The following POU6F2 variants were observed in gnomAD, a reference collection of about 807,000 sequenced individuals.
The protein encoded by POU6F2 is POU class 6 homeobox 2.
POU6F2 carries 31 observed loss-of-function variants against 71.3 expected under a neutral mutation model. The ratio of observed to expected loss-of-function variants is 0.43; its 90% CI spans 0.33 to 0.59. The LOEUF (loss-of-function observed/expected upper bound fraction) is 0.59. Ranked by LOEUF, POU6F2 falls within the 20% of genes least tolerant of loss-of-function variation. POU6F2 has a pLI of 0.04. For synonymous variants in POU6F2, 347 were observed against 355.7 expected, an observed-to-expected ratio of 0.98 and a Z score of 0.27; for missense variants, 783 against 856.8, an observed-to-expected ratio of 0.91 and a Z score of 1.07.
intron 7 of POU6F2, among the ~76,000 whole-genome samples, chr7:39,450,933 C>T (rs778545060): frequency 6.6e-5 from 10 of 152,146 alleles, no homozygotes; most frequent in Admixed American, 6.5e-5. Flanking sequence ...AGAAATCCTA[C>T]GGGATATTTT....
chr7:39,403,076 C>T (rs920466360), intron 5 of POU6F2, among the ~76,000 whole-genome samples: 2 of 152,174 alleles, frequency 1.3e-5, no homozygotes, highest in Non-Finnish European at 1.5e-5. Flanking sequence ...GTGTGGTTTA[C>T]TTAAAGTCAC....
chr7:38,994,251 G>T (rs1447215986), intron 1 of POU6F2, among the ~76,000 whole-genome samples: 3 of 152,068 alleles, frequency 2.0e-5, no homozygotes, highest in Non-Finnish European at 4.4e-5. Context: ...CAGTTGGTCA[G>T]GAAAGCCAGG....
chr7:39,238,492 T>C lies in POU6F2; in HGVS notation c.598+30872T>C, dbSNP rs368577775. On this transcript the variant is annotated intron_variant, in intron 4 of 9. Transcript: ENST00000518318. ...CATTTGTTTACGTATTGTTTGCGGC[T>C]GCTTTTGTGCTACAATGGCAGAGTT... 2.6e-5 allele frequency among the ~76,000 whole-genome samples: 4 copies of C among 152,348 alleles called. No homozygotes were observed. In the East Asian group the frequency reaches 7.7e-4, roughly 29 times the overall value.
chr7:39,100,941 A>G (rs1240662289), intron 2 of POU6F2, among the ~76,000 whole-genome samples: 1 of 152,162 alleles, frequency 6.6e-6, no homozygotes. Flanking sequence ...TCTTCATTCT[A>G]TGGCATGAAT....
At chr7:39,187,504 G>A (rs1203785599) in intron 2 of POU6F2, among the ~76,000 whole-genome samples, 3 of 152,224 alleles carry the variant, frequency 2.0e-5, no homozygotes, top group African/African-American at 7.2e-5. Context: ...ACAGGACAGA[G>A]CAGAGGCATG....
At chr7:39,077,415 C>A (rs937752193) in intron 1 of POU6F2, among the ~76,000 whole-genome samples, 3 of 152,190 alleles carry the variant, frequency 2.0e-5, no homozygotes, top group African/African-American at 7.2e-5. Flanking sequence ...AAACTCCTGT[C>A]TGATTGATTG....
rs368867298 is a variant in POU6F2, at chr7:39,408,456, C to CT, written c.1113+1723dup. Among the ~76,000 whole-genome samples the CT allele has an allele frequency of 2.9e-3, 437 of 152,304 alleles. 1 individual carries two copies. Among genetic ancestry groups the CT allele is most frequent in the Middle Eastern group, 0.014 (4 of 294 alleles). ...TCAGGAGCTAGAGTTACTACACTTG[C>CT]TTTTTTTGGCCTTTGCCAAACCCCA... is the stretch of plus-strand genomic sequence containing the variant. On this transcript the variant is annotated intron_variant, in intron 6 of 9. Coordinates refer to ENST00000518318, the MANE Select transcript of POU6F2 (RefSeq NM_001370959.1).
chr7:39,207,552 A>G lies in POU6F2; in HGVS notation c.530A>G (p.Asn177Ser), dbSNP rs1402974410. The G allele has an allele frequency of 2.5e-6, 4 of 1,614,030 alleles. No individual in the cohort carries two copies. The highest frequency in any genetic ancestry group is 3.4e-6 in the Non-Finnish European group (4 of 1,179,880). The change falls in exon 4 of 10, where the codon AAC (asparagine) becomes AGC (serine). Residue 177 changes from asparagine (N) to serine (S), a missense_variant. By Grantham distance (46) the Asn-to-Ser change is conservative (BLOSUM62 1). This residue lies in a region of POU6F2 where 572 missense variants were observed against 572.9 expected (regional missense o/e 1.00). Coordinates refer to ENST00000518318, the MANE Select transcript of POU6F2 (RefSeq NM_001370959.1). Reference protein sequence around the residue: ...VLTLPTANLTNIQGLVAAAAA... With the variant: ...VLTLPTANLTSIQGLVAAAAA... ...ACACTGCCAACAGCGAATCTCACCA[A>G]CATCCAAGGGCTGGTGGCAGCAGCT...
At chr7:39,208,907 G>A (rs896408587) in intron 4 of POU6F2, among the ~76,000 whole-genome samples, 1 of 152,084 alleles carries the variant, frequency 6.6e-6, no homozygotes, top group Non-Finnish European at 1.5e-5. Flanking sequence ...TCTTAATGAA[G>A]AAATGGGCAT....
intron 2 of POU6F2, among the ~76,000 whole-genome samples, chr7:39,128,136 C>T (rs560313312): frequency 6.6e-5 from 10 of 152,082 alleles, no homozygotes; most frequent in East Asian, 3.9e-4. Flanking sequence ...CCACTGTGCC[C>T]GGCCGCCAGT....
chr7:39,468,378 A>G lies in POU6F2; in HGVS notation c.*3692A>G, dbSNP rs1359602614. ...AGTTGACATGATAGACTTGTGACCA[A>G]GAAGCCAAACTGAATATTTAAAAGC... On this transcript the variant is annotated 3_prime_UTR_variant, in exon 10 of 10. Coordinates refer to ENST00000518318, the MANE Select transcript of POU6F2 (RefSeq NM_001370959.1). 6.6e-6 allele frequency: 1 copy of G among 152,116 alleles called. No homozygotes were observed. Among genetic ancestry groups the G allele is most frequent in the Admixed American group, 6.6e-5 (1 of 15,262 alleles). 9.4% of individuals were successfully genotyped at this position (152,116 alleles called of 1,614,324 possible).
intron 5 of POU6F2, among the ~76,000 whole-genome samples, chr7:39,397,469 TAGAG>T (rs139981093): frequency 1.3e-4 from 17 of 132,656 alleles, no homozygotes; most frequent in Non-Finnish European, 2.3e-4. Context: ...TATATAGACA[TAGAG>T]AGAGACATAT....
At chr7:39,421,159 T>G (rs1327087608) in intron 6 of POU6F2, among the ~76,000 whole-genome samples, 1 of 152,066 alleles carries the variant, frequency 6.6e-6, no homozygotes, top group Non-Finnish European at 1.5e-5. Context: ...CGAGAAAAAC[T>G]CATCAGCGTA....
chr7:39,231,753 A>G (rs561962643), intron 4 of POU6F2, among the ~76,000 whole-genome samples: 32 of 152,134 alleles, frequency 2.1e-4, no homozygotes, highest in African/African-American at 5.8e-4. Context: ...GTCCTAGGGA[A>G]TAGCCTGGAT....
At chr7:39,000,225 G>T (rs1288975915) in intron 1 of POU6F2, among the ~76,000 whole-genome samples, 2 of 152,112 alleles carry the variant, frequency 1.3e-5, no homozygotes, top group Non-Finnish European at 2.9e-5. Context: ...AAGCAGATTG[G>T]CCTTGAGCCA....
intron 9 of POU6F2, among the ~76,000 whole-genome samples, chr7:39,462,505 A>T (rs1273110003): frequency 6.6e-6 from 1 of 152,174 alleles, no homozygotes; most frequent in African/African-American, 2.4e-5. Context: ...CAGAGAAAAA[A>T]GCATTACCAA....
At chr7:39,322,506 A>C (rs959245121) in intron 4 of POU6F2, among the ~76,000 whole-genome samples, 3 of 152,166 alleles carry the variant, frequency 2.0e-5, no homozygotes, top group Non-Finnish European at 4.4e-5. Flanking sequence ...TAATCTGTCC[A>C]TCTCAGACCT....
intron 4 of POU6F2, among the ~76,000 whole-genome samples, chr7:39,329,654 T>C (rs1185735721): frequency 2.0e-5 from 3 of 152,172 alleles, no homozygotes; most frequent in Non-Finnish European, 4.4e-5. Flanking sequence ...AAGGTGTCAT[T>C]TATGCTTCAG....
intron 1 of POU6F2, among the ~76,000 whole-genome samples, chr7:39,023,516 G>T (rs62443628): frequency 4.6e-5 from 7 of 151,936 alleles, no homozygotes; most frequent in Non-Finnish European, 1.0e-4. Flanking sequence ...ATACATCTAA[G>T]CATCCTATAA....
Sources: allele counts gnomAD v4.1 joint callset (sites outside exome capture counted in the v4.1 genomes callset), GRCh38; gene constraint gnomAD v4.1.1; regional missense constraint gnomAD v4.1.1; transcripts MANE v1.5; gene names NCBI Gene and HGNC (gene_info 2026-07-23, HGNC 2026-07-21).